The following LRMDA variants were observed in gnomAD, a reference collection of about 807,000 sequenced individuals.
LRMDA encodes the protein leucine-rich melanocyte differentiation-associated protein.
In LRMDA, 18 loss-of-function variants were observed where a neutral mutation model predicts 29.8. The ratio of observed to expected loss-of-function variants is 0.60; its 90% CI spans 0.42 to 0.90. The LOEUF is 0.90. Among genes scored for constraint, LRMDA ranks in the 40% least tolerant of loss-of-function variants. The probability of loss-of-function intolerance (pLI) is 0.00; values close to 1 mark genes in which losing one functional copy is unlikely to be tolerated. For synonymous variants in LRMDA, 125 were observed against 109.4 expected, an observed-to-expected ratio of 1.14 and a Z score of -0.89; for missense variants, 273 against 273.9, an observed-to-expected ratio of 1.00 and a Z score of 0.02.
At chr10:75,672,584 C>T (rs144833426) in intron 2 of LRMDA, among the ~76,000 whole-genome samples, 4 of 45,870 alleles carry the variant, frequency 8.7e-5, no homozygotes, top group African/African-American at 6.2e-4. Context: ...CCCTTCCCTT[C>T]CCTGCTTTTT....
intron 6 of LRMDA, among the ~76,000 whole-genome samples, chr10:76,356,356 G>C (rs1046379821): frequency 1.3e-5 from 2 of 152,178 alleles, no homozygotes; most frequent in Non-Finnish European, 2.9e-5. Flanking sequence ...AATACCAGAA[G>C]AGAACTAGAA....
intron 5 of LRMDA, among the ~76,000 whole-genome samples, chr10:76,287,399 A>G (rs922490999): frequency 6.6e-6 from 1 of 152,074 alleles, no homozygotes; most frequent in African/African-American, 2.4e-5. Context: ...TCAGAACCTA[A>G]TTGGGACCAA....
At chr10:75,469,784 G>A (rs1844704355) in intron 2 of LRMDA, among the ~76,000 whole-genome samples, 1 of 152,186 alleles carries the variant, frequency 6.6e-6, no homozygotes, top group African/African-American at 2.4e-5. Flanking sequence ...ATGGGATGAG[G>A]GATCCAGTGT....
chr10:75,739,089 C>T (rs895719327), intron 2 of LRMDA, among the ~76,000 whole-genome samples: 3 of 152,174 alleles, frequency 2.0e-5, no homozygotes, highest in Middle Eastern at 3.2e-3. Flanking sequence ...GCGGAGGTCA[C>T]CTCAATATGG....
chr10:75,446,475 A>G (rs763411170), intron 2 of LRMDA, among the ~76,000 whole-genome samples: 2 of 152,226 alleles, frequency 1.3e-5, no homozygotes, highest in African/African-American at 2.4e-5. Context: ...CCTTCCACAC[A>G]TAATGTGTTT....
chr10:76,478,571 G>C (rs545624543), intron 6 of LRMDA, among the ~76,000 whole-genome samples: 4 of 151,940 alleles, frequency 2.6e-5, no homozygotes, highest in South Asian at 2.1e-4. Context: ...GATTATAAAT[G>C]ATGCTGCTAT....
At chr10:76,279,370 A>G (rs1840173718) in intron 5 of LRMDA, among the ~76,000 whole-genome samples, 1 of 152,142 alleles carries the variant, frequency 6.6e-6, no homozygotes, top group Non-Finnish European at 1.5e-5. Flanking sequence ...ATCTGTTATC[A>G]TCATCATCAT....
chr10:76,544,292 A>G (rs867807372), intron 6 of LRMDA, among the ~76,000 whole-genome samples: 4 of 152,126 alleles, frequency 2.6e-5, no homozygotes, highest in African/African-American at 9.7e-5. Context: ...TTTCCCCCCA[A>G]TATGGAAGCA....
chr10:76,028,435 T>A (rs1349924165), intron 2 of LRMDA, among the ~76,000 whole-genome samples: 1 of 152,198 alleles, frequency 6.6e-6, no homozygotes, highest in Non-Finnish European at 1.5e-5. Flanking sequence ...CGAGTAAATA[T>A]TTTTGGATAG....
At chr10:76,144,217 A>G (rs368694442) in intron 5 of LRMDA, among the ~76,000 whole-genome samples, 1 of 152,130 alleles carries the variant, frequency 6.6e-6, no homozygotes, top group East Asian at 1.9e-4. Flanking sequence ...AGTTTTTTCC[A>G]ATTCTGTGAA....
In LRMDA at chr10:76,363,176, A is replaced by AG. The variant is rs1249338089; in HGVS notation, c.601+38693dup. On this transcript the variant is annotated intron_variant, in intron 6 of 6. Coordinates refer to ENST00000611255, the MANE Select transcript of LRMDA (RefSeq NM_001305581.2). ...AAGAAAGAAAGAAAGAAAGAAAGAA[A>AG]GGAGGGAGGGAGGGAGGGAGGGAGG... 4.5e-3 allele frequency among the ~76,000 whole-genome samples: 99 copies of AG among 21,788 alleles called. 3 individuals are homozygous for AG. The highest frequency in any genetic ancestry group is 8.1e-3 in the Non-Finnish European group (70 of 8,590). The allele number at this position is 21,788 out of a possible 152,430, so 14.3% of individuals were successfully genotyped here. A position where few individuals can be genotyped will look rare whatever the true frequency, so the allele number is the denominator to read the frequency against.
chr10:76,361,776 G>C (rs1008444953), intron 6 of LRMDA, among the ~76,000 whole-genome samples: 1 of 152,088 alleles, frequency 6.6e-6, no homozygotes, highest in African/African-American at 2.4e-5. Flanking sequence ...CACTGATGAG[G>C]TTATGACTAT....
intron 6 of LRMDA, among the ~76,000 whole-genome samples, chr10:76,379,690 T>G (rs932752692): frequency 6.6e-6 from 1 of 152,150 alleles, no homozygotes; most frequent in African/African-American, 2.4e-5. Flanking sequence ...TACTTTGTGT[T>G]GTTTTTTGAT....
intron 5 of LRMDA, among the ~76,000 whole-genome samples, chr10:76,146,515 A>G (rs200480711): frequency 0.12 from 17,875 of 151,476 alleles, 1,184 homozygotes; most frequent in East Asian, 0.24. Context: ...GATTGCAACC[A>G]CTGCCTTTTT....
chr10:76,464,832 T>C (rs1842548760), intron 6 of LRMDA: 2 of 152,222 alleles, frequency 1.3e-5, no homozygotes, highest in South Asian at 4.1e-4. Context: ...TGAATCTCTG[T>C]GTGCTCATAT....
At chr10:76,450,122 A>G (rs536331298) in intron 6 of LRMDA, among the ~76,000 whole-genome samples, 1 of 152,118 alleles carries the variant, frequency 6.6e-6, no homozygotes, top group Admixed American at 6.5e-5. Flanking sequence ...GTGCTTTCTC[A>G]GGAAGAGAAT....
intron 5 of LRMDA, among the ~76,000 whole-genome samples, chr10:76,299,839 G>A (rs1282287138): frequency 1.3e-5 from 2 of 152,102 alleles, no homozygotes; most frequent in Non-Finnish European, 2.9e-5. Context: ...ATTGTACAAA[G>A]AAATGGAGGC....
chr10:75,698,745 T>C (rs1174694091), intron 2 of LRMDA, among the ~76,000 whole-genome samples: 2 of 152,196 alleles, frequency 1.3e-5, no homozygotes, highest in Non-Finnish European at 2.9e-5. Context: ...TTTAATTTTA[T>C]TTTTTAAAAA....
chr10:75,780,175 C>T (rs2132241988), intron 2 of LRMDA, among the ~76,000 whole-genome samples: 1 of 152,276 alleles, frequency 6.6e-6, no homozygotes, highest in South Asian at 2.1e-4. Context: ...ATTCCTTGTA[C>T]CCATAAAAGT....
Sources: gnomAD v4.1 joint callset for allele counts (sites outside exome capture counted in the v4.1 genomes callset) on GRCh38, gnomAD v4.1.1 for gene constraint, MANE v1.5 for transcripts, NCBI Gene and HGNC (gene_info 2026-07-23, HGNC 2026-07-21) for gene names.